The following TMTC2 variants were observed in gnomAD, a reference collection of about 807,000 sequenced individuals.
The protein encoded by TMTC2 is protein O-mannosyl-transferase TMTC2.
A neutral mutation model predicts 82.4 loss-of-function variants in TMTC2; 43 were observed. That is an observed-to-expected ratio of 0.52 (90% CI 0.41 to 0.67). The LOEUF is 0.67. TMTC2 is among the 30% of genes least tolerant of loss of function. The probability of loss-of-function intolerance (pLI) is 0.00; values close to 1 mark genes in which losing one functional copy is unlikely to be tolerated. For missense variants in TMTC2, 919 were observed against 1,012.4 expected (o/e 0.91, Z 1.25); for synonymous variants, 408 against 381.9 (o/e 1.07, Z -0.80).
intron 3 of TMTC2, among the ~76,000 whole-genome samples, chr12:82,914,324 A>T (rs11115484): frequency 2.4e-4 from 36 of 152,014 alleles, no homozygotes; most frequent in African/African-American, 4.8e-4. Context: ...TCTTTTTTTT[A>T]AAAAAATTCT....
chr12:82,742,686 A>T (rs1265880181), intron 1 of TMTC2, among the ~76,000 whole-genome samples: 1 of 150,792 alleles, frequency 6.6e-6, no homozygotes, highest in Admixed American at 6.6e-5. Flanking sequence ...TGCCAGGCTA[A>T]TTTTTTTTTG....
At chr12:83,083,944 A>G (rs1367301519) in intron 11 of TMTC2, among the ~76,000 whole-genome samples, 2 of 152,226 alleles carry the variant, frequency 1.3e-5, no homozygotes, top group African/African-American at 4.8e-5. Flanking sequence ...ACTTTCAAAG[A>G]TAATGTCGAC....
chr12:82,757,787 A>C (rs1334708828), intron 1 of TMTC2, among the ~76,000 whole-genome samples: 1 of 152,216 alleles, frequency 6.6e-6, no homozygotes, highest in Admixed American at 6.5e-5. Context: ...TACATCTTGC[A>C]AAGGATGCAG....
intron 1 of TMTC2, among the ~76,000 whole-genome samples, chr12:82,701,838 G>A: frequency 6.6e-6 from 1 of 151,622 alleles, no homozygotes. Flanking sequence ...ATTTTTCTAG[G>A]GATTCCCTGT....
At chr12:82,946,392 A>T (rs1278956118) in intron 4 of TMTC2, among the ~76,000 whole-genome samples, 1 of 152,158 alleles carries the variant, frequency 6.6e-6, no homozygotes, top group Admixed American at 6.6e-5. Context: ...GTGTACATAG[A>T]TTACTTTAGA....
intron 2 of TMTC2, among the ~76,000 whole-genome samples, chr12:82,862,455 T>A (rs955673866): frequency 2.6e-5 from 4 of 152,216 alleles, no homozygotes; most frequent in African/African-American, 9.6e-5. Context: ...GTAGCAATAC[T>A]AATACTAACA....
At chr12:82,997,819 C>T (rs1328498126) in intron 8 of TMTC2, among the ~76,000 whole-genome samples, 2 of 151,736 alleles carry the variant, frequency 1.3e-5, no homozygotes, top group Non-Finnish European at 2.9e-5. Context: ...AGGAAAGATA[C>T]ATACTATATT....
At chr12:82,808,051 G>C (rs1879321636) in intron 1 of TMTC2, among the ~76,000 whole-genome samples, 1 of 151,796 alleles carries the variant, frequency 6.6e-6, no homozygotes, top group Non-Finnish European at 1.5e-5. Flanking sequence ...TCTAGATTCA[G>C]TTTTTAAAAA....
intron 6 of TMTC2, among the ~76,000 whole-genome samples, chr12:82,966,155 C>A (rs990680595): frequency 1.3e-5 from 2 of 152,002 alleles, no homozygotes; most frequent in African/African-American, 4.8e-5. Flanking sequence ...AAAATATATT[C>A]TTTGTACTTT....
At chr12:82,844,253 C>T (rs1870505058) in intron 1 of TMTC2, among the ~76,000 whole-genome samples, 1 of 152,118 alleles carries the variant, frequency 6.6e-6, no homozygotes, top group Non-Finnish European at 1.5e-5. Flanking sequence ...TAAAGTAATA[C>T]TTGAATAGTT....
chr12:82,813,419 G>A (rs1868514145), intron 1 of TMTC2, among the ~76,000 whole-genome samples: 1 of 152,018 alleles, frequency 6.6e-6, no homozygotes, highest in Non-Finnish European at 1.5e-5. Flanking sequence ...CCCTACTTAA[G>A]ATTTTCTCTT....
chr12:82,766,152 A>G (rs978217106), intron 1 of TMTC2, among the ~76,000 whole-genome samples: 2 of 152,140 alleles, frequency 1.3e-5, no homozygotes, highest in African/African-American at 4.8e-5. Flanking sequence ...ATGCTTAAAA[A>G]GCTCCAAATT....
intron 1 of TMTC2, among the ~76,000 whole-genome samples, chr12:82,742,405 C>T (rs1409828145): frequency 6.6e-6 from 1 of 151,784 alleles, no homozygotes; most frequent in African/African-American, 2.4e-5. Flanking sequence ...CATTATATGC[C>T]ACCACTATAT....
intron 1 of TMTC2, among the ~76,000 whole-genome samples, chr12:82,849,149 T>C (rs917343521): frequency 1.3e-5 from 2 of 152,058 alleles, no homozygotes; most frequent in Non-Finnish European, 2.9e-5. Flanking sequence ...TAGAGTTACA[T>C]TGCAGGAAGT....
intron 1 of TMTC2, among the ~76,000 whole-genome samples, chr12:82,728,380 C>A (rs1874573529): frequency 6.6e-6 from 1 of 151,660 alleles, no homozygotes; most frequent in Admixed American, 6.6e-5. Flanking sequence ...TTTAATTGAT[C>A]TTTCTCATTT....
Position 82,952,843 on chromosome 12 carries a change from G to A in TMTC2, c.1599-12181G>A, listed in dbSNP as rs1316972161. Among the ~76,000 whole-genome samples the A allele has an allele frequency of 2.0e-5, 3 of 152,188 alleles. No individual in the cohort carries two copies. In the East Asian group the frequency reaches 5.8e-4, roughly 29 times the overall value. ...CCACCTCGGCCTCCCAAAGTGCTGG[G>A]ATTACAGCCATGAGCCACCACGCCC... On this transcript the variant is annotated intron_variant, in intron 4 of 11. Transcript: ENST00000321196.
intron 4 of TMTC2, among the ~76,000 whole-genome samples, chr12:82,942,551 T>C (rs1352204362): frequency 3.3e-5 from 5 of 152,204 alleles, no homozygotes; most frequent in Non-Finnish European, 5.9e-5. Context: ...AAAGTAATTA[T>C]TTGAAACTAG....
intron 10 of TMTC2, among the ~76,000 whole-genome samples, chr12:83,056,961 A>G (rs1882567774): frequency 6.6e-6 from 1 of 151,866 alleles, no homozygotes; most frequent in South Asian, 2.1e-4. Flanking sequence ...TTACGCTTCT[A>G]GGAAATCCCA....
chr12:82,719,943 T>G (rs1874124636), intron 1 of TMTC2, among the ~76,000 whole-genome samples: 5 of 152,232 alleles, frequency 3.3e-5, no homozygotes, highest in Admixed American at 3.3e-4. Context: ...TGAAACTTTT[T>G]ATAATTAAAT....
Sources: allele counts gnomAD v4.1 joint callset (sites outside exome capture counted in the v4.1 genomes callset), GRCh38; gene constraint gnomAD v4.1.1; transcripts MANE v1.5; gene names NCBI Gene and HGNC (gene_info 2026-07-23, HGNC 2026-07-21).